DPH6: variants seen among roughly 807,000 people sequenced by gnomAD.
The protein encoded by DPH6 is diphthamine biosynthesis 6.
A neutral mutation model predicts 38.2 loss-of-function variants in DPH6; 33 were observed. The ratio of observed to expected loss-of-function variants is 0.86; its 90% confidence interval spans 0.65 to 1.15. The LOEUF (loss-of-function observed/expected upper bound fraction) is 1.15, where lower values mean the gene tolerates loss of function less well. DPH6 is among the 50% of genes most tolerant of loss of function. The pLI is 0.00. For synonymous variants in DPH6, 108 were observed against 103.0 expected, an observed-to-expected ratio of 1.05 and a Z score of -0.30; for missense variants, 325 against 320.0, an observed-to-expected ratio of 1.02 and a Z score of -0.12.
chr15:35,270,924 G>T (rs1048296819), intron 3 of DPH6, among the ~76,000 whole-genome samples: 2 of 152,202 alleles, frequency 1.3e-5, no homozygotes, highest in African/African-American at 4.8e-5. Context: ...CACAGACACA[G>T]AGAAGTTCAG....
At chr15:35,369,272 G>C (rs551036964), downstream of DPH6, among the ~76,000 whole-genome samples, 5 of 151,826 alleles carry the variant, frequency 3.3e-5, no homozygotes, top group East Asian at 9.7e-4. Flanking sequence ...AAAACTGATG[G>C]AATTTAGAAA....
At chr15:35,374,212 G>A (rs1427749824) in intron 7 of DPH6, among the ~76,000 whole-genome samples, 1 of 151,980 alleles carries the variant, frequency 6.6e-6, no homozygotes, top group Non-Finnish European at 1.5e-5. Context: ...AAGATACCCT[G>A]TAAAGCACAT....
intron 3 of DPH6, among the ~76,000 whole-genome samples, chr15:35,537,650 T>C (rs559019476): frequency 1.2e-4 from 19 of 152,234 alleles, no homozygotes; most frequent in African/African-American, 4.3e-4. Flanking sequence ...TCATACCTGT[T>C]CCAACAGATT....
chr15:35,397,868 T>TATACACACAC (rs752473433), intron 6 of DPH6, among the ~76,000 whole-genome samples: 27 of 87,308 alleles, frequency 3.1e-4, no homozygotes, highest in Middle Eastern at 6.0e-3. Flanking sequence ...TTTATATATA[T>TATACACACAC]ACACACACAC....
chr15:35,190,137 G>A, the DPH6 span, among the ~76,000 whole-genome samples: 2 of 152,150 alleles, frequency 1.3e-5, no homozygotes, highest in Non-Finnish European at 1.5e-5. Flanking sequence ...AATTTCAGGG[G>A]GGATATGGAA....
At chr15:35,521,261 T>G (rs1239912609) in intron 3 of DPH6, 1 of 986,150 alleles carries the variant, frequency 1.0e-6, no homozygotes, top group Non-Finnish European at 1.2e-6. Context: ...GTACATTGAA[T>G]GCATGTAAAT....
chr15:35,360,415 G>A (rs890533897), intron 3 of DPH6, among the ~76,000 whole-genome samples: 12 of 152,142 alleles, frequency 7.9e-5, no homozygotes, highest in Non-Finnish European at 1.5e-4. Context: ...CAGATGGCAG[G>A]CCCATTAGCA....
the DPH6 span, among the ~76,000 whole-genome samples, chr15:35,195,499 C>A: frequency 2.0e-5 from 3 of 152,134 alleles, no homozygotes; most frequent in Admixed American, 1.3e-4. Context: ...AGGTCAGATT[C>A]AAGCCTGGGA....
intron 3 of DPH6, among the ~76,000 whole-genome samples, chr15:35,469,523 A>T (rs113627489): frequency 1.3e-5 from 2 of 152,314 alleles, no homozygotes; most frequent in African/African-American, 4.8e-5. Context: ...TTTATAAGGA[A>T]TGAGTAATAG....
chr15:35,366,532 C>T (rs978556787), downstream of DPH6, among the ~76,000 whole-genome samples: 12 of 151,814 alleles, frequency 7.9e-5, no homozygotes, highest in Admixed American at 7.2e-4. Flanking sequence ...TGTTAAGAAG[C>T]CACAGATTAC....
chr15:35,257,532 T>C (rs1462066101), intron 3 of DPH6, among the ~76,000 whole-genome samples: 1 of 152,172 alleles, frequency 6.6e-6, no homozygotes, highest in Non-Finnish European at 1.5e-5. Flanking sequence ...GGTAGTGACT[T>C]GGAAAGTATA....
chr15:35,377,322 CCCATCCATCCAT>C (rs534979462), intron 7 of DPH6, among the ~76,000 whole-genome samples: 6 of 151,832 alleles, frequency 4.0e-5, no homozygotes, highest in East Asian at 1.9e-4. Flanking sequence ...CTTCCGTCCA[CCCATCCATCCAT>C]CCATCCATCC....
chr15:35,338,662 C>T (rs1413126346), intron 3 of DPH6, among the ~76,000 whole-genome samples: 1 of 152,228 alleles, frequency 6.6e-6, no homozygotes, highest in Non-Finnish European at 1.5e-5. Context: ...TACCATTTGA[C>T]CCAGCCATCC....
the DPH6 span, among the ~76,000 whole-genome samples, chr15:35,174,322 T>C: frequency 6.6e-6 from 1 of 152,212 alleles, no homozygotes; most frequent in Non-Finnish European, 1.5e-5. Flanking sequence ...ATTTGATGAG[T>C]AGACATATGA....
chr15:35,367,453 T>G (rs1451397440), downstream of DPH6, among the ~76,000 whole-genome samples: 2 of 151,934 alleles, frequency 1.3e-5, no homozygotes, highest in Non-Finnish European at 2.9e-5. Context: ...CATTTTAATA[T>G]GATTTTCTGA....
chr15:35,512,246 C>A lies in DPH6; in HGVS notation c.312+26028G>T, dbSNP rs145350204. Among the ~76,000 whole-genome samples the A allele has an allele frequency of 9.9e-3, 1,503 of 152,128 alleles. 19 individuals are homozygous for A. The highest frequency in any genetic ancestry group is 0.035 in the African/African-American group (1,436 of 41,490). On this transcript the variant is annotated intron_variant, in intron 3 of 8. Transcript: ENST00000256538. Reference sequence around the variant, plus strand: ...CACCATTGATTTACTCACAGAAAATCAGAAATCATTTTTAAATGTTGCCAA... The same window carrying A: ...CACCATTGATTTACTCACAGAAAATAAGAAATCATTTTTAAATGTTGCCAA...
intron 3 of DPH6, among the ~76,000 whole-genome samples, chr15:35,278,731 C>T (rs1949079861): frequency 1.3e-5 from 2 of 152,142 alleles, no homozygotes; most frequent in Admixed American, 1.3e-4. Flanking sequence ...GAGTCCACCC[C>T]TGAATGCAGG....
At chr15:35,517,323 T>C (rs930028152) in intron 3 of DPH6, among the ~76,000 whole-genome samples, 1 of 152,140 alleles carries the variant, frequency 6.6e-6, no homozygotes, top group African/African-American at 2.4e-5. Context: ...TCTCAGTAGA[T>C]AGAGCAGCTG....
chr15:35,530,605 G>A (rs1171476655), intron 3 of DPH6, among the ~76,000 whole-genome samples: 1 of 152,158 alleles, frequency 6.6e-6, no homozygotes, highest in Admixed American at 6.5e-5. Flanking sequence ...GATACCAAGT[G>A]GAGAAAAGTT....
Sources: gnomAD v4.1 joint callset for allele counts (sites outside exome capture counted in the v4.1 genomes callset) on GRCh38, gnomAD v4.1.1 for gene constraint, MANE v1.5 for transcripts, NCBI Gene and HGNC (gene_info 2026-07-23, HGNC 2026-07-21) for gene names.